Variants in NBAS observed in about 807,000 individuals in gnomAD.
NBAS encodes NBAS subunit of NRZ tethering complex.
In NBAS, 219 loss-of-function variants were observed where a neutral mutation model predicts 302.5. That is an observed-to-expected ratio of 0.72 (90% CI 0.65 to 0.81). The LOEUF (loss-of-function observed/expected upper bound fraction) is 0.81, where lower values mean the gene tolerates loss of function less well. NBAS is among the 30% of genes least tolerant of loss of function. NBAS has a pLI of 0.00. For missense variants in NBAS, 2,932 were observed against 2,841.6 expected (o/e 1.03, Z -0.72); for synonymous variants, 1,118 against 1,021.6 (o/e 1.09, Z -1.80).
chr2:14,830,853 A>G, the NBAS span, among the ~76,000 whole-genome samples: 3 of 152,312 alleles, frequency 2.0e-5, no homozygotes, highest in African/African-American at 7.2e-5. Flanking sequence ...TAACTGTCTG[A>G]CAGCCAGCTC....
the NBAS span, among the ~76,000 whole-genome samples, chr2:15,025,605 T>C: frequency 7.9e-5 from 12 of 152,164 alleles, no homozygotes; most frequent in Non-Finnish European, 1.5e-5. Flanking sequence ...GGATGGAATG[T>C]TTTTCCATTT....
intron 44 of NBAS, among the ~76,000 whole-genome samples, chr2:15,246,307 T>C (rs1420578835): frequency 7.9e-5 from 12 of 152,200 alleles, no homozygotes; most frequent in Non-Finnish European, 1.2e-4. Flanking sequence ...GAATATTGCA[T>C]TGAAATTACC....
chr2:15,152,767 C>T, the NBAS span, among the ~76,000 whole-genome samples: 1 of 152,126 alleles, frequency 6.6e-6, no homozygotes, highest in South Asian at 2.1e-4. Flanking sequence ...AACAAAGGGG[C>T]CTGTTGGTTA....
intron 23 of NBAS, among the ~76,000 whole-genome samples, chr2:15,420,649 A>T (rs930981125): frequency 6.6e-6 from 1 of 152,216 alleles, no homozygotes; most frequent in African/African-American, 2.4e-5. Context: ...TGGAATCTAG[A>T]GCAAGGTAAG....
intron 44 of NBAS, among the ~76,000 whole-genome samples, chr2:15,243,333 T>G (rs1213542704): frequency 6.6e-6 from 1 of 152,144 alleles, no homozygotes; most frequent in African/African-American, 2.4e-5. Context: ...CCAGTTTCCC[T>G]TTTTTAACCA....
chr2:14,872,616 C>T, the NBAS span, among the ~76,000 whole-genome samples: 2 of 152,094 alleles, frequency 1.3e-5, no homozygotes, highest in Non-Finnish European at 2.9e-5. Flanking sequence ...AGCTGCAGAC[C>T]TTTAGACCTT....
the NBAS span, among the ~76,000 whole-genome samples, chr2:14,783,731 T>A: frequency 1.3e-5 from 2 of 152,212 alleles, no homozygotes; most frequent in Admixed American, 1.3e-4. Context: ...TGTTGGACAT[T>A]TGGGTTGGTT....
chr2:15,424,583 C>T (rs1156439308), intron 22 of NBAS, 115 bp from the exon 23 acceptor site: 1 of 1,213,592 alleles, frequency 8.2e-7, no homozygotes, highest in Non-Finnish European at 1.2e-6. Flanking sequence ...AGGGAGCATA[C>T]ATGTATGTGG....
At chr2:15,336,189 A>C (rs1672575715) in intron 35 of NBAS, among the ~76,000 whole-genome samples, 1 of 152,202 alleles carries the variant, frequency 6.6e-6, no homozygotes, top group African/African-American at 2.4e-5. Context: ...GTAAAATCTT[A>C]AGACAGTATC....
chr2:15,045,414 C>T, the NBAS span, among the ~76,000 whole-genome samples: 1 of 152,172 alleles, frequency 6.6e-6, no homozygotes, highest in African/African-American at 2.4e-5. Flanking sequence ...TTGGAGTGGC[C>T]TTGCAGTGTT....
intron 51 of NBAS, among the ~76,000 whole-genome samples, chr2:15,175,067 C>T (rs1211526334): frequency 1.3e-5 from 2 of 152,140 alleles, no homozygotes; most frequent in Non-Finnish European, 2.9e-5. Flanking sequence ...CCCGGGTCCA[C>T]ACCATTCTCC....
intron 47 of NBAS, among the ~76,000 whole-genome samples, chr2:15,230,841 G>A (rs1667354118): frequency 6.6e-6 from 1 of 152,174 alleles, no homozygotes; most frequent in Admixed American, 6.6e-5. Context: ...GAGGGTAAGT[G>A]TTTCCCACGT....
At chr2:15,305,214 T>C (rs1240119776) in intron 40 of NBAS, among the ~76,000 whole-genome samples, 1 of 152,098 alleles carries the variant, frequency 6.6e-6, no homozygotes, top group Non-Finnish European at 1.5e-5. Context: ...TGGAGGTAAC[T>C]GGATCATGGG....
At chr2:15,242,825 T>C (rs1261299911) in intron 44 of NBAS, among the ~76,000 whole-genome samples, 1 of 152,030 alleles carries the variant, frequency 6.6e-6, no homozygotes, top group East Asian at 1.9e-4. Flanking sequence ...AAAATAATAA[T>C]GGATTTTTTG....
chr2:14,798,552 A>G, the NBAS span, among the ~76,000 whole-genome samples: 1 of 152,140 alleles, frequency 6.6e-6, no homozygotes, highest in Non-Finnish European at 1.5e-5. Flanking sequence ...TTTTAGTAAT[A>G]ACTTTCTATT....
intron 21 of NBAS, among the ~76,000 whole-genome samples, chr2:15,460,860 T>G (rs929236381): frequency 3.3e-5 from 5 of 152,310 alleles, no homozygotes; most frequent in African/African-American, 1.2e-4. Flanking sequence ...CACCTAATAC[T>G]GTCAAAAACA....
At chr2:15,039,037 T>C in the NBAS span, among the ~76,000 whole-genome samples, 1 of 152,334 alleles carries the variant, frequency 6.6e-6, no homozygotes, top group South Asian at 2.1e-4. Context: ...ATATTTGTAA[T>C]GGTGACTCAA....
At chr2:14,834,106 A>C in the NBAS span, among the ~76,000 whole-genome samples, 5 of 152,106 alleles carry the variant, frequency 3.3e-5, no homozygotes, top group Non-Finnish European at 7.4e-5. Flanking sequence ...AATATTTATG[A>C]TTTTGCAGCC....
intron 21 of NBAS, among the ~76,000 whole-genome samples, chr2:15,437,071 T>C (rs950756285): frequency 7.2e-5 from 11 of 152,202 alleles, no homozygotes; most frequent in Admixed American, 7.2e-4. Flanking sequence ...TTCATAATTC[T>C]AAATTCCCAA....
Sources: gnomAD v4.1 joint callset for allele counts (sites outside exome capture counted in the v4.1 genomes callset) on GRCh38, gnomAD v4.1.1 for gene constraint, MANE v1.5 for transcripts, NCBI Gene and HGNC (gene_info 2026-07-23, HGNC 2026-07-21) for gene names.